BDP1: variants seen among roughly 807,000 people sequenced by gnomAD.
BDP1 encodes BDP1 general transcription factor IIIB subunit.
Under a neutral mutation model 266.6 loss-of-function variants are expected in BDP1, and 169 were observed. The ratio of observed to expected loss-of-function variants is 0.63; its 90% CI spans 0.56 to 0.72. The LOEUF is 0.72. Ranked by LOEUF, BDP1 falls within the 30% of genes least tolerant of loss-of-function variation. The probability of loss-of-function intolerance (pLI) is 0.00; values close to 1 mark genes in which losing one functional copy is unlikely to be tolerated. For missense variants in BDP1, 3,015 were observed against 3,053.8 expected, an observed-to-expected ratio of 0.99 and a Z score of 0.30; for synonymous variants, 1,090 against 1,022.4, an observed-to-expected ratio of 1.07 and a Z score of -1.26.
rs192249000 is a variant in BDP1 at position 71,459,318 on chromosome 5, C to T, written c.489+463C>T. Among the ~76,000 whole-genome samples the T allele has an allele frequency of 2.5e-3, 379 of 152,248 alleles. 2 individuals carry two copies. Among genetic ancestry groups the T allele is most frequent in the African/African-American group, 8.2e-3 (339 of 41,550 alleles). Reference sequence around the variant, plus strand: ...CTTGAGGTCAGGAGTTCAAGACCAGCCTGGCCAACATGGCAAAACCCTGTC... The same window carrying T: ...CTTGAGGTCAGGAGTTCAAGACCAGTCTGGCCAACATGGCAAAACCCTGTC... On this transcript the variant is annotated intron_variant, in intron 2 of 38. Transcript: ENST00000358731.
intron 7 of BDP1, among the ~76,000 whole-genome samples, chr5:71,473,295 G>C (rs1260632594): frequency 1.5e-5 from 1 of 65,054 alleles, no homozygotes; most frequent in East Asian, 4.8e-4. Context: ...TTTTTTTTGA[G>C]ATGGAGTCTT....
intron 15 of BDP1, 139 bp from the exon 16 acceptor site, chr5:71,504,482 A>G (rs1764455070): frequency 2.7e-6 from 2 of 736,512 alleles, no homozygotes; most frequent in Admixed American, 3.2e-5. Flanking sequence ...TAAAGAAAAA[A>G]CATTAAAAGT....
intron 25 of BDP1, among the ~76,000 whole-genome samples, chr5:71,525,325 C>T (rs1765743380): frequency 2.1e-5 from 3 of 145,496 alleles, no homozygotes; most frequent in South Asian, 4.6e-4. Context: ...CTCCTCACTT[C>T]CCAGTAGGGG....
intron 4 of BDP1, among the ~76,000 whole-genome samples, chr5:71,465,259 A>C (rs918894537): frequency 6.6e-6 from 1 of 152,052 alleles, no homozygotes; most frequent in Non-Finnish European, 1.5e-5. Context: ...AACTAATGCT[A>C]TATAACTATA....
chr5:71,524,301 A>G lies in BDP1; in HGVS notation c.5750A>G (p.Gln1917Arg), dbSNP rs773182566. 1.6e-5 allele frequency: 26 copies of G among 1,591,412 alleles called. No individual in the cohort carries two copies. Among genetic ancestry groups the G allele is most frequent in the Middle Eastern group, 1.7e-4 (1 of 5,980 alleles). Residue 1917 changes from glutamine (Q) to arginine (R), a missense_variant, in exon 25 of 39, where the codon CAG (glutamine) becomes CGG (arginine). This residue lies in a region of BDP1 where 2,383 missense variants were observed against 2,404.9 expected (regional missense o/e 0.99). Coordinates refer to ENST00000358731, the MANE Select transcript of BDP1 (RefSeq NM_018429.3). ...AGATCTCCTGAACCTGTTTCTGCTC[A>G]GATTGAGGAAACAATGGAAGAGGTT... ...GLRSPEPVSAQIEETMEELEI... is the reference protein window; with the variant it reads ...GLRSPEPVSARIEETMEELEI...
intron 16 of BDP1, among the ~76,000 whole-genome samples, chr5:71,507,558 G>A (rs895278488): frequency 5.9e-5 from 9 of 152,102 alleles, no homozygotes; most frequent in Admixed American, 2.0e-4. Flanking sequence ...TAAATAATAC[G>A]CCTGTTTTCA....
chr5:71,505,131 C>T (rs757676716), intron 16 of BDP1, among the ~76,000 whole-genome samples: 21 of 152,096 alleles, frequency 1.4e-4, no homozygotes, highest in Admixed American at 3.3e-4. Flanking sequence ...CTCAGCCTCC[C>T]GAGTAGCTGG....
intron 7 of BDP1, among the ~76,000 whole-genome samples, chr5:71,472,886 CTCTTTTTTTTTTTT>C (rs1251327657): frequency 1.6e-5 from 2 of 121,840 alleles, no homozygotes; most frequent in Non-Finnish European, 3.4e-5. Flanking sequence ...TTCTCTCTCT[CTCTTTTTTTTTTTT>C]TTTTTTTTTT....
intron 25 of BDP1, among the ~76,000 whole-genome samples, chr5:71,525,639 T>G (rs1372343822): frequency 1.8e-5 from 2 of 113,810 alleles, no homozygotes; most frequent in Non-Finnish European, 3.7e-5. Flanking sequence ...GGCGGGGGGC[T>G]GACCCCCCCA....
intron 19 of BDP1, 97 bp downstream of exon 19, chr5:71,513,504 T>A: frequency 1.3e-6 from 1 of 750,038 alleles, no homozygotes; most frequent in Non-Finnish European, 2.2e-6. Context: ...ATTCTACAAA[T>A]ATTTCTGTGT....
intron 7 of BDP1, chr5:71,475,925 TGAGTTA>T (rs1762551626): frequency 6.6e-6 from 1 of 152,526 alleles, no homozygotes; most frequent in Non-Finnish European, 1.5e-5. Flanking sequence ...CTTTCTCATC[TGAGTTA>T]GAGTTAGAAA....
rs1224456698 is a variant in BDP1, at chr5:71,455,910, G to A, written c.33G>A (p.Pro11=). The A allele has an allele frequency of 1.7e-5, 28 of 1,606,154 alleles. No homozygotes were observed. Among genetic ancestry groups the A allele is most frequent in the Non-Finnish European group, 2.4e-5 (28 of 1,176,676 alleles). MFRRARLSVK[P]NVRPGVGARG... ...GCAGGGCACGCCTTAGCGTGAAGCC[G>A]AATGTCAGGCCTGGTGTAGGCGCCA... The change falls in exon 1 of 39, where the codon CCG becomes CCA. Residue 11 remains proline (P), a synonymous_variant. Transcript: ENST00000358731.
intron 25 of BDP1, among the ~76,000 whole-genome samples, chr5:71,530,070 G>A (rs1766138279): frequency 6.6e-6 from 1 of 152,140 alleles, no homozygotes; most frequent in Admixed American, 6.6e-5. Flanking sequence ...TATGTGAATT[G>A]CAAGTCTTTT....
chr5:71,551,365 C>T (rs186074031), intron 34 of BDP1, among the ~76,000 whole-genome samples: 24 of 152,282 alleles, frequency 1.6e-4, no homozygotes, highest in African/African-American at 5.8e-4. Flanking sequence ...CATCTTGCAC[C>T]GCCCTTAATC....
At chr5:71,576,441 G>C in the BDP1 span, among the ~76,000 whole-genome samples, 9 of 152,336 alleles carry the variant, frequency 5.9e-5, no homozygotes, top group Admixed American at 2.6e-4. Context: ...ACATGGTTGA[G>C]TCACTATGGG....
intron 6 of BDP1, 113 bp downstream of exon 6, chr5:71,467,600 C>A: frequency 1.1e-6 from 1 of 881,524 alleles, no homozygotes; most frequent in Non-Finnish European, 1.7e-6. Context: ...CCATTTTATT[C>A]CAGCTAATTT....
intron 15 of BDP1, 80 bp downstream of exon 15, chr5:71,502,871 T>G: frequency 1.0e-6 from 1 of 980,154 alleles, no homozygotes; most frequent in Non-Finnish European, 1.6e-6. Flanking sequence ...ACCCACATAC[T>G]TACATACATA....
chr5:71,523,498 G>A (rs867725818), intron 24 of BDP1, among the ~76,000 whole-genome samples: 48 of 152,066 alleles, frequency 3.2e-4, no homozygotes, highest in African/African-American at 1.2e-3. Flanking sequence ...ATTTTTAGTG[G>A]AGATCAGGTT....
In BDP1 at chr5:71,467,353, G is replaced by T; in HGVS notation, c.786-1G>T. On this transcript the variant is annotated splice_acceptor_variant, in intron 5 of 38. Coordinates refer to ENST00000358731, the MANE Select transcript of BDP1 (RefSeq NM_018429.3). LOFTEE classifies it high-confidence loss of function. ...TCTATTTAAAAATGTGTTTATTTCA[G>T]TTTAACTGTAGAAGTTTTAAGAACA... is the stretch of plus-strand genomic sequence containing the variant. The T allele has an allele frequency of 6.3e-7, 1 of 1,595,194 alleles. No individual in the cohort carries two copies. The highest frequency in any genetic ancestry group is 8.6e-7 in the Non-Finnish European group (1 of 1,168,646).
Sources: gnomAD v4.1 joint callset for allele counts (sites outside exome capture counted in the v4.1 genomes callset) on GRCh38, gnomAD v4.1.1 for gene constraint, gnomAD v4.1.1 regional missense constraint, MANE v1.5 for transcripts, NCBI Gene and HGNC (gene_info 2026-07-23, HGNC 2026-07-21) for gene names.